KDM4C: variants seen among roughly 807,000 people sequenced by gnomAD.
The protein encoded by KDM4C is lysine demethylase 4C.
Under a neutral mutation model 129.3 loss-of-function variants are expected in KDM4C, and 81 were observed. The ratio of observed to expected loss-of-function variants is 0.63; its 90% CI spans 0.52 to 0.75. KDM4C has a LOEUF of 0.75. KDM4C is among the 30% of genes least tolerant of loss of function. The pLI is 0.00. For missense variants in KDM4C, 1,457 were observed against 1,304.0 expected, an observed-to-expected ratio of 1.12 and a Z score of -1.81; for synonymous variants, 573 against 456.1, an observed-to-expected ratio of 1.26 and a Z score of -3.26.
chr9:6,828,481 C>T (rs1421826528), intron 4 of KDM4C, among the ~76,000 whole-genome samples: 2 of 152,216 alleles, frequency 1.3e-5, no homozygotes, highest in Admixed American at 1.3e-4. Context: ...ATACATCTGC[C>T]CCAGAGCAGG....
intron 8 of KDM4C, among the ~76,000 whole-genome samples, chr9:6,945,299 T>C (rs920407425): frequency 6.6e-6 from 1 of 152,232 alleles, no homozygotes; most frequent in Non-Finnish European, 1.5e-5. Flanking sequence ...ACCAGTTTCA[T>C]CCTTCCTTTG....
chr9:7,059,866 T>C (rs934329814), intron 17 of KDM4C, among the ~76,000 whole-genome samples: 1 of 152,128 alleles, frequency 6.6e-6, no homozygotes, highest in African/African-American at 2.4e-5. Flanking sequence ...AATGAATTCA[T>C]AAATATATAT....
At chr9:7,108,473 G>A (rs1837951777) in intron 18 of KDM4C, among the ~76,000 whole-genome samples, 1 of 152,146 alleles carries the variant, frequency 6.6e-6, no homozygotes, top group African/African-American at 2.4e-5. Context: ...TTGGACTCGA[G>A]CGATCCAACT....
At chr9:6,800,387 A>G (rs1266074177) in intron 2 of KDM4C, among the ~76,000 whole-genome samples, 1 of 151,518 alleles carries the variant, frequency 6.6e-6, no homozygotes, top group Non-Finnish European at 1.5e-5. Flanking sequence ...AACAAACAAA[A>G]AATTAACTGA....
chr9:6,780,339 C>T (rs1417283351), intron 1 of KDM4C, among the ~76,000 whole-genome samples: 3 of 113,292 alleles, frequency 2.6e-5, no homozygotes, highest in East Asian at 5.1e-4. Context: ...TAATCTCAAA[C>T]GAGGTGTGGG....
chr9:6,824,540 G>T (rs1322827923), intron 4 of KDM4C, among the ~76,000 whole-genome samples: 1 of 150,974 alleles, frequency 6.6e-6, no homozygotes, highest in Non-Finnish European at 1.5e-5. Flanking sequence ...TAATTATTGT[G>T]AACCTCAAAT....
chr9:7,121,062 A>C (rs1038118278), intron 18 of KDM4C, among the ~76,000 whole-genome samples: 2 of 152,244 alleles, frequency 1.3e-5, no homozygotes, highest in Non-Finnish European at 2.9e-5. Flanking sequence ...CTAACATTTT[A>C]GTATGTATTT....
chr9:6,755,841 C>G (rs1396904838), upstream of KDM4C, among the ~76,000 whole-genome samples: 3 of 152,198 alleles, frequency 2.0e-5, no homozygotes, highest in East Asian at 1.9e-4. Context: ...CTAGTAGGCT[C>G]TCTTCACTTT....
At chr9:6,777,734 T>C (rs1259293385) in intron 1 of KDM4C, among the ~76,000 whole-genome samples, 1 of 151,728 alleles carries the variant, frequency 6.6e-6, no homozygotes, top group Admixed American at 6.6e-5. Flanking sequence ...TTCCACCATG[T>C]TTGGCTAATC....
At chr9:7,059,210 C>T (rs897566918) in intron 17 of KDM4C, among the ~76,000 whole-genome samples, 1 of 152,068 alleles carries the variant, frequency 6.6e-6, no homozygotes, top group South Asian at 2.1e-4. Context: ...AGTGCAGTGG[C>T]GCCATCATGG....
chr9:6,938,543 T>G (rs1766427784), intron 8 of KDM4C, among the ~76,000 whole-genome samples: 1 of 152,196 alleles, frequency 6.6e-6, no homozygotes, highest in Admixed American at 6.5e-5. Flanking sequence ...TCTTCTAAGC[T>G]CAGCTGGCTT....
intron 1 of KDM4C, among the ~76,000 whole-genome samples, chr9:6,738,633 C>A (rs1403110019): frequency 2.0e-5 from 3 of 152,138 alleles, no homozygotes; most frequent in Non-Finnish European, 4.4e-5. Context: ...AAGACAGAGT[C>A]TCGCTCTGTC....
At chr9:6,951,231 A>C (rs140500449) in intron 8 of KDM4C, among the ~76,000 whole-genome samples, 6 of 152,208 alleles carry the variant, frequency 3.9e-5, no homozygotes, top group African/African-American at 1.4e-4. Flanking sequence ...TCTATTAACT[A>C]TAGTCATCCT....
Position 6,926,302 on chromosome 9 carries a change from T to C in KDM4C, c.921+33070T>C, listed in dbSNP as rs138818231. Reference sequence around the variant, plus strand: ...TGAGGTAATATAAGGCGTTTGTGAATAGAAACAAGTGGAGAAGCAGTTGTA... The same window carrying C: ...TGAGGTAATATAAGGCGTTTGTGAACAGAAACAAGTGGAGAAGCAGTTGTA... On this transcript the variant is annotated intron_variant, in intron 8 of 21. Transcript: ENST00000381309. 4.5e-3 allele frequency among the ~76,000 whole-genome samples: 539 copies of C among 121,076 alleles called. 1 individual carries two copies. Among genetic ancestry groups the C allele is most frequent in the African/African-American group, 0.016 (483 of 30,716 alleles). The allele number at this position is 121,076 out of a possible 152,430, so 79.4% of individuals were successfully genotyped here.
intron 17 of KDM4C, among the ~76,000 whole-genome samples, chr9:7,072,493 A>G (rs1833343172): frequency 6.6e-6 from 1 of 152,240 alleles, no homozygotes; most frequent in Non-Finnish European, 1.5e-5. Flanking sequence ...TCTCAGATTC[A>G]TTACCCTAAG....
intron 13 of KDM4C, among the ~76,000 whole-genome samples, chr9:7,013,509 C>T (rs901520166): frequency 1.3e-5 from 2 of 152,138 alleles, no homozygotes; most frequent in Non-Finnish European, 2.9e-5. Flanking sequence ...TTGATGCTTT[C>T]CACGAACTAA....
intron 8 of KDM4C, among the ~76,000 whole-genome samples, chr9:6,895,139 A>G (rs934705904): frequency 6.6e-6 from 1 of 152,218 alleles, no homozygotes; most frequent in Non-Finnish European, 1.5e-5. Flanking sequence ...CTGAGAATAT[A>G]TTAGTTGTCT....
intron 19 of KDM4C, among the ~76,000 whole-genome samples, chr9:7,131,951 A>G (rs535686098): frequency 1.5e-3 from 221 of 152,296 alleles, no homozygotes; most frequent in African/African-American, 5.2e-3. Flanking sequence ...AAAACTCTCT[A>G]ATCCACACAA....
rs1477487723 is a variant in KDM4C, at chr9:7,052,898, A to AGAGAGAGAGAGAGAGAGAGC, written c.2424+3701_2424+3702insAGAGAGAGAGAGAGAGCGAG. 1.7e-3 allele frequency among the ~76,000 whole-genome samples: 83 copies of AGAGAGAGAGAGAGAGAGAGC among 47,590 alleles called. 2 individuals carry two copies. Among genetic ancestry groups the AGAGAGAGAGAGAGAGAGAGC allele is most frequent in the Non-Finnish European group, 4.8e-3 (69 of 14,378 alleles). 31.2% of individuals were successfully genotyped at this position (47,590 alleles called of 152,430 possible). Reference sequence around the variant, plus strand: ...GAGAGAGAGAGAGAGAGAGAGAGAGAGAGCGAGCGAGTGCCCAAGGGATGA... The same window carrying AGAGAGAGAGAGAGAGAGAGC: ...GAGAGAGAGAGAGAGAGAGAGAGAGAGAGAGAGAGAGAGAGAGAGCGAGCGAGCGAGTGCCCAAGGGATGA... On this transcript the variant is annotated intron_variant, in intron 17 of 21. Coordinates refer to ENST00000381309, the MANE Select transcript of KDM4C (RefSeq NM_015061.6).
Sources: allele counts gnomAD v4.1 joint callset (sites outside exome capture counted in the v4.1 genomes callset), GRCh38; gene constraint gnomAD v4.1.1; transcripts MANE v1.5; gene names NCBI Gene and HGNC (gene_info 2026-07-23, HGNC 2026-07-21).